TRPS1: variants seen among roughly 807,000 people sequenced by gnomAD.
TRPS1 encodes the protein transcriptional repressor GATA binding 1.
TRPS1 carries 6 observed loss-of-function variants against 101.2 expected under a neutral mutation model. That is an observed-to-expected ratio of 0.06 (90% CI 0.03 to 0.12). TRPS1 has a LOEUF of 0.12. Ranked by LOEUF, TRPS1 falls within the 10% of genes least tolerant of loss-of-function variation. The pLI is 1.00. For synonymous variants in TRPS1, 578 were observed against 589.8 expected, an observed-to-expected ratio of 0.98 and a Z score of 0.29; for missense variants, 1,363 against 1,567.0, an observed-to-expected ratio of 0.87 and a Z score of 2.20.
intron 1 of TRPS1, among the ~76,000 whole-genome samples, chr8:115,634,180 G>A: frequency 6.6e-6 from 1 of 152,140 alleles, no homozygotes; most frequent in East Asian, 1.9e-4. Flanking sequence ...TGTATGATAT[G>A]ATAATTTAAC....
At chr8:115,605,970 GT>G (rs5894280) in intron 3 of TRPS1, among the ~76,000 whole-genome samples, 152,235 of 152,236 alleles carry the variant, frequency 1, 76,117 homozygotes, top group Middle Eastern at 1. Context: ...TTAAAATAGA[GT>G]TTTTTGAATG....
chr8:115,667,769 A>T, intron 1 of TRPS1: 2 of 1,440,278 alleles, frequency 1.4e-6, no homozygotes, highest in South Asian at 2.6e-5. Context: ...GCATTTGCAA[A>T]CTCTTCAAAG....
intron 5 of TRPS1, among the ~76,000 whole-genome samples, chr8:115,528,782 T>C (rs1816061359): frequency 6.6e-6 from 1 of 152,032 alleles, no homozygotes; most frequent in Non-Finnish European, 1.5e-5. Context: ...AAGATATATA[T>C]ATGTATATAT....
intron 5 of TRPS1, among the ~76,000 whole-genome samples, chr8:115,504,574 ATG>A (rs1264481545): frequency 6.6e-6 from 1 of 152,130 alleles, no homozygotes; most frequent in East Asian, 1.9e-4. Flanking sequence ...ACAGTTGTGT[ATG>A]TGTGTTTGGT....
chr8:115,560,194 G>A (rs1430290245), intron 5 of TRPS1, among the ~76,000 whole-genome samples: 1 of 151,984 alleles, frequency 6.6e-6, no homozygotes, highest in Non-Finnish European at 1.5e-5. Context: ...ACTACTGTGG[G>A]CATTCAAAAT....
intron 5 of TRPS1, among the ~76,000 whole-genome samples, chr8:115,492,457 C>CTG (rs72046761): frequency 0.027 from 3,889 of 145,474 alleles, 152 homozygotes; most frequent in African/African-American, 0.089. Context: ...GTGCCAAGCA[C>CTG]TGTGTGTGTG....
intron 5 of TRPS1, among the ~76,000 whole-genome samples, chr8:115,490,110 G>T (rs988111639): frequency 1.3e-5 from 2 of 152,032 alleles, no homozygotes; most frequent in Admixed American, 6.5e-5. Flanking sequence ...AGATATCAGT[G>T]CAAGGCACAC....
At chr8:115,464,476 A>G (rs1446946392) in intron 5 of TRPS1, among the ~76,000 whole-genome samples, 1 of 152,114 alleles carries the variant, frequency 6.6e-6, no homozygotes, top group East Asian at 1.9e-4. Context: ...AGTGTAGTTC[A>G]TTATTTGTGC....
At chr8:115,619,096 C>T in intron 3 of TRPS1, 36 bp downstream of exon 3, 2 of 1,609,138 alleles carry the variant, frequency 1.2e-6, no homozygotes, top group South Asian at 2.2e-5. Flanking sequence ...TTTCTAATAA[C>T]TTTTTCTGTA....
In TRPS1 at chr8:115,418,304, C is replaced by G; in HGVS notation, c.2823+26G>C. On this transcript the variant is annotated intron_variant, in intron 6 of 6. Transcript: ENST00000395715. This position sits in a 1 kb window ranked among gnomAD's most constrained non-coding sequence, Gnocchi z 4.3. ...GCCAACACTGCTTTATAAAGCTTTT[C>G]CTGAAAGAGTGGAACAAGTTCTTAC... 1.2e-6 allele frequency: 2 copies of G among 1,614,020 alleles called. No individual in the cohort carries two copies. Among genetic ancestry groups the G allele is most frequent in the Non-Finnish European group, 1.7e-6 (2 of 1,179,928 alleles).
chr8:115,556,677 G>T (rs1204028969), intron 5 of TRPS1, among the ~76,000 whole-genome samples: 1 of 152,032 alleles, frequency 6.6e-6, no homozygotes, highest in African/African-American at 2.4e-5. Context: ...TAGTATTTTT[G>T]AGTCCTTTAC....
At chr8:115,488,949 G>A (rs1478029683) in intron 5 of TRPS1, among the ~76,000 whole-genome samples, 1 of 152,034 alleles carries the variant, frequency 6.6e-6, no homozygotes, top group Non-Finnish European at 1.5e-5. Context: ...TAACATTTTA[G>A]CAGGCTGCAG....
chr8:115,607,265 A>G (rs1485382964), intron 3 of TRPS1, among the ~76,000 whole-genome samples: 2 of 152,164 alleles, frequency 1.3e-5, no homozygotes, highest in Non-Finnish European at 2.9e-5. Context: ...ACAACCTAAG[A>G]AGTCAGAAAA....
At chr8:115,535,907 G>T (rs965358611) in intron 5 of TRPS1, among the ~76,000 whole-genome samples, 6 of 151,542 alleles carry the variant, frequency 4.0e-5, no homozygotes, top group Non-Finnish European at 5.9e-5. Flanking sequence ...AATATTTCAG[G>T]CTCAAAAGTC....
chr8:115,605,090 ATTCC>A, intron 3 of TRPS1, 88 bp from the exon 4 acceptor site: 1 of 1,230,208 alleles, frequency 8.1e-7, no homozygotes. Flanking sequence ...ACTGCCAAGT[ATTCC>A]ACATCAAAAA....
chr8:115,500,444 C>G (rs1410291241), intron 5 of TRPS1, among the ~76,000 whole-genome samples: 1 of 152,134 alleles, frequency 6.6e-6, no homozygotes, highest in Non-Finnish European at 1.5e-5. Flanking sequence ...CAAAAGCAAC[C>G]AAATGTTCAG....
At chr8:115,667,999 G>A in intron 1 of TRPS1, 5 of 1,158,590 alleles carry the variant, frequency 4.3e-6, no homozygotes, top group South Asian at 2.7e-5. Context: ...CGCCCGGTAG[G>A]AGAGAATTAA....
chr8:115,429,451 C>T (rs986186798), intron 5 of TRPS1, among the ~76,000 whole-genome samples: 1 of 152,140 alleles, frequency 6.6e-6, no homozygotes, highest in African/African-American at 2.4e-5. Context: ...TGCACTCATA[C>T]GAGCCTTACT....
intron 5 of TRPS1, among the ~76,000 whole-genome samples, chr8:115,453,171 C>T (rs1213037716): frequency 6.6e-6 from 1 of 152,028 alleles, no homozygotes; most frequent in Non-Finnish European, 1.5e-5. Flanking sequence ...CAGATGCCCA[C>T]CACCACATCC....
Sources: allele counts gnomAD v4.1 joint callset (sites outside exome capture counted in the v4.1 genomes callset), GRCh38; gene constraint gnomAD v4.1.1; non-coding constraint Gnocchi (gnomAD v3.1); transcripts MANE v1.5; gene names NCBI Gene and HGNC (gene_info 2026-07-23, HGNC 2026-07-21).